Variants in VAV3 observed in about 807,000 individuals in gnomAD.
VAV3 encodes the protein guanine nucleotide exchange factor VAV3.
Under a neutral mutation model 131.2 loss-of-function variants are expected in VAV3, and 94 were observed. The ratio of observed to expected loss-of-function variants is 0.72; its 90% confidence interval spans 0.61 to 0.85. The LOEUF is 0.85. VAV3 is among the 40% of genes least tolerant of loss of function. The pLI is 0.00. For synonymous variants in VAV3, 349 were observed against 342.0 expected (o/e 1.02, Z -0.22); for missense variants, 939 against 1,002.7 (o/e 0.94, Z 0.86).
chr1:107,852,035 T>C (rs1276427676), intron 2 of VAV3, among the ~76,000 whole-genome samples: 1 of 152,164 alleles, frequency 6.6e-6, no homozygotes. Flanking sequence ...GGAAAGGCTA[T>C]GTTCAGAGGT....
chr1:107,883,304 T>C (rs1315806588), intron 1 of VAV3, among the ~76,000 whole-genome samples: 5 of 152,222 alleles, frequency 3.3e-5, no homozygotes, highest in African/African-American at 4.8e-5. Context: ...TTAACTATAA[T>C]ATATCTGTCT....
At chr1:107,806,466 C>T (rs1667064686) in intron 2 of VAV3, among the ~76,000 whole-genome samples, 2 of 151,940 alleles carry the variant, frequency 1.3e-5, no homozygotes, top group South Asian at 4.1e-4. Flanking sequence ...CTGTGGGGGC[C>T]ATTGAAGCCA....
intron 15 of VAV3, among the ~76,000 whole-genome samples, chr1:107,726,802 C>A (rs1419726732): frequency 1.3e-5 from 2 of 151,982 alleles, no homozygotes; most frequent in African/African-American, 4.8e-5. Context: ...TGGAATAAAG[C>A]CTGCTAATTG....
At chr1:107,889,173 C>G (rs930902298) in intron 1 of VAV3, among the ~76,000 whole-genome samples, 11 of 64,516 alleles carry the variant, frequency 1.7e-4, no homozygotes, top group Non-Finnish European at 3.3e-4. Flanking sequence ...GTGTGTGTCA[C>G]TTGCCATGTA....
intron 15 of VAV3, among the ~76,000 whole-genome samples, chr1:107,710,548 CTTA>C (rs1422399677): frequency 3.3e-5 from 5 of 152,020 alleles, no homozygotes; most frequent in African/African-American, 1.2e-4. Flanking sequence ...GCTAAACAGT[CTTA>C]TTTTTATTTA....
intron 2 of VAV3, among the ~76,000 whole-genome samples, chr1:107,787,410 T>C (rs915008384): frequency 6.6e-6 from 1 of 152,178 alleles, no homozygotes; most frequent in Non-Finnish European, 1.5e-5. Flanking sequence ...CAGACTAGTA[T>C]GACAAGCAAC....
chr1:107,720,834 T>C (rs1185213158), intron 15 of VAV3, among the ~76,000 whole-genome samples: 1 of 152,076 alleles, frequency 6.6e-6, no homozygotes, highest in Non-Finnish European at 1.5e-5. Context: ...GAGCAGGACT[T>C]GGGGAGCCAT....
chr1:107,766,894 T>C (rs1048702604), intron 7 of VAV3, among the ~76,000 whole-genome samples: 6 of 150,510 alleles, frequency 4.0e-5, no homozygotes, highest in Non-Finnish European at 8.9e-5. Context: ...CAGATCTCAG[T>C]TGAAATGTCA....
At chr1:107,732,048 C>T (rs1163400842) in intron 15 of VAV3, among the ~76,000 whole-genome samples, 13 of 152,170 alleles carry the variant, frequency 8.5e-5, no homozygotes, top group Admixed American at 7.9e-4. Context: ...TTCTTAGATG[C>T]CCAGGAGCCC....
At chr1:107,886,658 A>G (rs151273089) in intron 1 of VAV3, among the ~76,000 whole-genome samples, 2 of 152,118 alleles carry the variant, frequency 1.3e-5, no homozygotes, top group African/African-American at 4.8e-5. Context: ...CTTCTTATGA[A>G]TCTTATTCAT....
intron 20 of VAV3, among the ~76,000 whole-genome samples, chr1:107,635,472 G>T (rs965972183): frequency 8.7e-6 from 1 of 115,406 alleles, no homozygotes; most frequent in African/African-American, 3.3e-5. Flanking sequence ...GCCTGTTGTG[G>T]GGTGGGGGGA....
At chr1:107,833,670 T>C (rs925347555) in intron 2 of VAV3, among the ~76,000 whole-genome samples, 5 of 152,218 alleles carry the variant, frequency 3.3e-5, no homozygotes, top group African/African-American at 1.2e-4. Flanking sequence ...TATTCAGGAA[T>C]CAATTATACA....
chr1:107,789,550 T>C (rs1421091158), intron 2 of VAV3, among the ~76,000 whole-genome samples: 2 of 152,166 alleles, frequency 1.3e-5, no homozygotes, highest in East Asian at 3.9e-4. Flanking sequence ...TCTCGCTGGT[T>C]TGGTAACAGT....
At chr1:107,642,513 T>G in intron 20 of VAV3, 106 bp downstream of exon 20, 1 of 1,304,180 alleles carries the variant, frequency 7.7e-7, no homozygotes, top group Non-Finnish European at 1.1e-6. Context: ...TTAATCAACT[T>G]GCTTTTGCTT....
At chr1:107,961,460 A>G (rs1165002552) in intron 1 of VAV3, among the ~76,000 whole-genome samples, 2 of 152,182 alleles carry the variant, frequency 1.3e-5, no homozygotes, top group African/African-American at 4.8e-5. Flanking sequence ...CCTGGCTAGA[A>G]TACTGTTTCA....
chr1:107,596,120 T>C, intron 25 of VAV3, 92 bp downstream of exon 25: 1 of 1,516,292 alleles, frequency 6.6e-7, no homozygotes, highest in Admixed American at 2.0e-5. Flanking sequence ...ATCCATTGGT[T>C]ATATTTTAAA....
chr1:107,592,855 T>C (rs1461348455), intron 25 of VAV3, among the ~76,000 whole-genome samples: 3 of 152,240 alleles, frequency 2.0e-5, no homozygotes, highest in Non-Finnish European at 4.4e-5. Context: ...CCTTCAAATA[T>C]ACAAGCCCTA....
chr1:107,894,390 C>T (rs1671469128), intron 1 of VAV3, among the ~76,000 whole-genome samples: 1 of 152,080 alleles, frequency 6.6e-6, no homozygotes, highest in Non-Finnish European at 1.5e-5. Flanking sequence ...AAATGTCTTC[C>T]TATTAGGACA....
intron 23 of VAV3, among the ~76,000 whole-genome samples, 185 bp downstream of exon 23, chr1:107,602,862 C>A (rs548423579): frequency 6.6e-6 from 1 of 152,098 alleles, no homozygotes; most frequent in East Asian, 1.9e-4. Flanking sequence ...CAATTAGCAA[C>A]CTATAACACT....
Sources: allele counts gnomAD v4.1 joint callset (sites outside exome capture counted in the v4.1 genomes callset), GRCh38; gene constraint gnomAD v4.1.1; transcripts MANE v1.5; gene names NCBI Gene and HGNC (gene_info 2026-07-23, HGNC 2026-07-21).